The following PTPRD variants were observed in gnomAD, a reference collection of about 807,000 sequenced individuals.
PTPRD encodes receptor-type tyrosine-protein phosphatase delta.
Under a neutral mutation model 214.5 loss-of-function variants are expected in PTPRD, and 34 were observed. The ratio of observed to expected loss-of-function variants is 0.16; its 90% CI spans 0.12 to 0.21. The LOEUF is 0.21. PTPRD is among the 10% of genes least tolerant of loss of function. The pLI, the probability that PTPRD is intolerant of heterozygous loss-of-function variation, is 1.00. For missense variants in PTPRD, 2,545 were observed against 2,398.7 expected, an observed-to-expected ratio of 1.06 and a Z score of -1.27; for synonymous variants, 1,128 against 845.7, an observed-to-expected ratio of 1.33 and a Z score of -5.79.
intron 39 of PTPRD, among the ~76,000 whole-genome samples, chr9:8,348,084 ATAAC>A (rs1340535710): frequency 2.0e-5 from 3 of 152,202 alleles, no homozygotes; most frequent in South Asian, 2.1e-4. Flanking sequence ...GCACATTTGA[ATAAC>A]TAACAGAAAG....
chr9:9,414,588 ACAAAC>A (rs1256908335), intron 8 of PTPRD, among the ~76,000 whole-genome samples: 1 of 152,202 alleles, frequency 6.6e-6, no homozygotes, highest in Non-Finnish European at 1.5e-5. Flanking sequence ...TTAAAAACAA[ACAAAC>A]CAACCCATCT....
At chr9:8,985,673 A>G (rs2099339885) in intron 11 of PTPRD, among the ~76,000 whole-genome samples, 1 of 151,628 alleles carries the variant, frequency 6.6e-6, no homozygotes, top group South Asian at 2.1e-4. Context: ...TACAGGTGTT[A>G]GGTGGTAAAG....
At chr9:8,699,969 G>A (rs996977811) in intron 12 of PTPRD, among the ~76,000 whole-genome samples, 1 of 152,058 alleles carries the variant, frequency 6.6e-6, no homozygotes, top group Non-Finnish European at 1.5e-5. Context: ...CAGTAATGCT[G>A]AGAACCCAAT....
chr9:9,849,180 A>G (rs1172605468), intron 5 of PTPRD, among the ~76,000 whole-genome samples: 2 of 152,050 alleles, frequency 1.3e-5, no homozygotes, highest in Admixed American at 1.3e-4. Flanking sequence ...TATTGGGGAA[A>G]TTGGTTCCCT....
intron 14 of PTPRD, among the ~76,000 whole-genome samples, chr9:8,553,684 T>A (rs971430469): frequency 1.1e-4 from 17 of 152,194 alleles, no homozygotes; most frequent in Admixed American, 6.5e-5. Flanking sequence ...TTGGCTAAGA[T>A]CAAGCGTCTA....
chr9:10,255,933 T>A (rs1174234150), intron 3 of PTPRD, among the ~76,000 whole-genome samples: 2 of 152,148 alleles, frequency 1.3e-5, no homozygotes, highest in Non-Finnish European at 2.9e-5. Context: ...GTCCTTGGCG[T>A]GTTAGGAACC....
At chr9:8,831,285 G>C (rs2097285018) in intron 11 of PTPRD, among the ~76,000 whole-genome samples, 1 of 152,132 alleles carries the variant, frequency 6.6e-6, no homozygotes, top group Non-Finnish European at 1.5e-5. Context: ...TCTACCTCTT[G>C]AATCCTAGGA....
chr9:10,037,610 C>T (rs1453737932), intron 3 of PTPRD, among the ~76,000 whole-genome samples: 10 of 145,556 alleles, frequency 6.9e-5, no homozygotes, highest in Admixed American at 3.4e-4. Context: ...CAAGCTAATT[C>T]AGAAACTGAC....
chr9:10,109,259 C>T lies in PTPRD; in HGVS notation c.-544-75469G>A, dbSNP rs62537308. On this transcript the variant is annotated intron_variant, in intron 3 of 45. Transcript: ENST00000381196. ...GATAGATGACTACTGTATTCTCATA[C>T]GGATGCAGAGAAGAGGACTGGTATT... Among the ~76,000 whole-genome samples, 1,418 of 152,154 alleles carry T rather than the reference C, an allele frequency of 9.3e-3. 11 individuals carry two copies. The highest frequency in any genetic ancestry group is 0.014 in the Non-Finnish European group (924 of 67,986).
chr9:10,010,976 T>C (rs903271772), intron 4 of PTPRD, among the ~76,000 whole-genome samples: 10 of 151,952 alleles, frequency 6.6e-5, no homozygotes, highest in Admixed American at 3.3e-4. Flanking sequence ...AAGAAGCCAA[T>C]ACCAAAGTAT....
intron 23 of PTPRD, 117 bp from the exon 24 acceptor site, chr9:8,501,176 T>A (rs1226883880): frequency 2.7e-6 from 2 of 752,070 alleles, no homozygotes; most frequent in Non-Finnish European, 4.2e-6. Context: ...AAGGACAAAA[T>A]GAAAATAAGG....
At chr9:9,607,137 T>C (rs1207459741) in intron 7 of PTPRD, among the ~76,000 whole-genome samples, 1 of 152,096 alleles carries the variant, frequency 6.6e-6, no homozygotes, top group African/African-American at 2.4e-5. Context: ...CAATGAGTTA[T>C]TTATTTATGC....
chr9:10,136,561 A>AACC (rs1335722931), intron 3 of PTPRD, among the ~76,000 whole-genome samples: 33 of 86,814 alleles, frequency 3.8e-4, no homozygotes, highest in Middle Eastern at 6.9e-3. Context: ...GATAAAAATT[A>AACC]AAGATTTAAA....
At chr9:9,375,017 T>C (rs924704423) in intron 9 of PTPRD, among the ~76,000 whole-genome samples, 1 of 152,194 alleles carries the variant, frequency 6.6e-6, no homozygotes, top group Admixed American at 6.6e-5. Context: ...TCTCAATTAC[T>C]AGAACTTTTT....
At chr9:8,784,756 T>G (rs932519198) in intron 11 of PTPRD, among the ~76,000 whole-genome samples, 1 of 152,168 alleles carries the variant, frequency 6.6e-6, no homozygotes, top group Non-Finnish European at 1.5e-5. Flanking sequence ...ACATCCCCCC[T>G]GTATCTTAAA....
chr9:8,712,295 T>C (rs1026341747), intron 12 of PTPRD, among the ~76,000 whole-genome samples: 2 of 152,212 alleles, frequency 1.3e-5, no homozygotes, highest in African/African-American at 2.4e-5. Flanking sequence ...TATTTTCTTG[T>C]TCTGAATGAA....
intron 8 of PTPRD, among the ~76,000 whole-genome samples, chr9:9,403,454 C>T (rs10739188): frequency 0.88 from 132,821 of 151,262 alleles, 58,479 homozygotes; most frequent in African/African-American, 0.92. Context: ...AAATCATATC[C>T]GAAGTAAGAT....
intron 2 of PTPRD, among the ~76,000 whole-genome samples, chr9:10,570,105 A>G (rs2066952119): frequency 6.6e-6 from 1 of 152,168 alleles, no homozygotes; most frequent in African/African-American, 2.4e-5. Flanking sequence ...AAAATAAAAA[A>G]AAGAATCTTA....
chr9:8,666,667 C>G (rs1565124554), intron 12 of PTPRD, among the ~76,000 whole-genome samples: 1 of 152,178 alleles, frequency 6.6e-6, no homozygotes, highest in Non-Finnish European at 1.5e-5. Context: ...CTAGGTGACT[C>G]ATTTGATAAC....
Sources: allele counts gnomAD v4.1 joint callset (sites outside exome capture counted in the v4.1 genomes callset), GRCh38; gene constraint gnomAD v4.1.1; transcripts MANE v1.5; gene names NCBI Gene and HGNC (gene_info 2026-07-23, HGNC 2026-07-21).